PRDM6: variants seen among roughly 807,000 people sequenced by gnomAD.
PRDM6 encodes the protein putative histone-lysine N-methyltransferase PRDM6.
In PRDM6, 25 loss-of-function variants were observed where a neutral mutation model predicts 60.8. The ratio of observed to expected loss-of-function variants is 0.41; its 90% CI spans 0.30 to 0.57. The LOEUF is 0.57. Among genes scored for constraint, PRDM6 ranks in the 20% least tolerant of loss-of-function variants. The probability of loss-of-function intolerance (pLI) is 0.27; values close to 1 mark genes in which losing one functional copy is unlikely to be tolerated. For synonymous variants in PRDM6, 407 were observed against 357.4 expected, an observed-to-expected ratio of 1.14 and a Z score of -1.57; for missense variants, 839 against 821.3, an observed-to-expected ratio of 1.02 and a Z score of -0.26.
In PRDM6 at chr5:123,192,662, A is replaced by G. The variant is rs1207647425; in HGVS notation, c.*5461A>G. ...GTGATATACATTAGGACAAATGGCA[A>G]CAGGCAGGAAGGGCAGGTTGTGTTG... is the stretch of plus-strand genomic sequence containing the variant. On this transcript the variant is annotated 3_prime_UTR_variant, in exon 8 of 8. Transcript: ENST00000407847. The G allele has an allele frequency of 6.6e-6, 1 of 152,252 alleles. No homozygotes were observed. Among genetic ancestry groups the G allele is most frequent in the Non-Finnish European group, 1.5e-5 (1 of 68,052 alleles). 9.4% of individuals were successfully genotyped at this position (152,252 alleles called of 1,614,324 possible).
rs1394266929 is a variant in PRDM6, at chr5:123,170,814, T to A, written c.1202T>A (p.Leu401Gln). 6 of 1,552,150 alleles carry A rather than the reference T, an allele frequency of 3.9e-6. No individual in the cohort carries two copies. The highest frequency in any genetic ancestry group is 5.2e-6 in the Non-Finnish European group (6 of 1,147,092). Residue 401 changes from leucine to glutamine, a missense_variant, in exon 6 of 8, where the codon CTG (leucine) becomes CAG (glutamine). By Grantham distance (113) the Leu-to-Gln change is moderately radical. Coordinates refer to ENST00000407847, the MANE Select transcript of PRDM6 (RefSeq NM_001136239.4). ...GAAGCCATGTGCAGACAAGACGCCCTGCAGCCCTTCAACAAAAGCAGCAAA... is the reference window on the plus strand; with the variant it reads ...GAAGCCATGTGCAGACAAGACGCCCAGCAGCCCTTCAACAAAAGCAGCAAA... ...VMEAMCRQDA[L>Q]QPFNKSSKLA...
intron 2 of PRDM6, among the ~76,000 whole-genome samples, chr5:123,091,365 A>C (rs1286597297): frequency 2.0e-5 from 3 of 152,168 alleles, no homozygotes; most frequent in Non-Finnish European, 4.4e-5. Flanking sequence ...ATGTTGGTTT[A>C]TGTATTTATT....
intron 4 of PRDM6, 90 bp from the exon 5 acceptor site, chr5:123,159,424 G>A: frequency 7.0e-7 from 1 of 1,422,834 alleles, no homozygotes; most frequent in Admixed American, 2.4e-5. Context: ...AGATGGAGCT[G>A]CGTAGAACTT....
At chr5:123,097,311 T>C (rs1013647192) in intron 2 of PRDM6, among the ~76,000 whole-genome samples, 8 of 152,238 alleles carry the variant, frequency 5.3e-5, no homozygotes, top group Non-Finnish European at 1.0e-4. Flanking sequence ...CAAAGTTACT[T>C]CAGTGAAATA....
intron 3 of PRDM6, among the ~76,000 whole-genome samples, chr5:123,141,821 T>G (rs1329855649): frequency 6.6e-6 from 1 of 152,170 alleles, no homozygotes; most frequent in Admixed American, 6.5e-5. Context: ...TGTCAGGCTC[T>G]TCACATGGAC....
At chr5:123,168,527 G>A (rs1765811906) in intron 5 of PRDM6, among the ~76,000 whole-genome samples, 1 of 152,180 alleles carries the variant, frequency 6.6e-6, no homozygotes, top group Non-Finnish European at 1.5e-5. Context: ...ACAGGAGAAG[G>A]TAGGATTAGA....
At chr5:123,103,225 G>T (rs1404291925) in intron 3 of PRDM6, among the ~76,000 whole-genome samples, 1 of 151,744 alleles carries the variant, frequency 6.6e-6, no homozygotes. Context: ...AATAAGCCAA[G>T]GTAATTTTTT....
At chr5:123,150,580 A>G (rs1765350180) in intron 3 of PRDM6, among the ~76,000 whole-genome samples, 1 of 152,224 alleles carries the variant, frequency 6.6e-6, no homozygotes, top group African/African-American at 2.4e-5. Context: ...ATTGTGTAGT[A>G]AAACATATTT....
rs145404971 is a variant in PRDM6 at position 123,151,637 on chromosome 5, A to G, written c.901-4247A>G. 4.6e-5 allele frequency among the ~76,000 whole-genome samples: 7 copies of G among 152,256 alleles called. No individual in the cohort carries two copies. In the East Asian group the frequency reaches 1.4e-3, roughly 29 times the overall value. The stretch of plus-strand genomic sequence containing the variant: ...ACAGATGGTCTCTGAGGTCCCTTCC[A>G]AATCTGATTTTCCTGGGCTCTAAAT... On this transcript the variant is annotated intron_variant, in intron 3 of 7. Coordinates refer to ENST00000407847, the MANE Select transcript of PRDM6 (RefSeq NM_001136239.4).
intron 7 of PRDM6, among the ~76,000 whole-genome samples, chr5:123,184,119 T>G (rs1207528377): frequency 6.6e-6 from 1 of 152,186 alleles, no homozygotes; most frequent in East Asian, 1.9e-4. Flanking sequence ...TAAATATGCA[T>G]TGAACACATC....
chr5:123,138,029 C>CG (rs992368994), intron 3 of PRDM6, among the ~76,000 whole-genome samples: 1 of 148,974 alleles, frequency 6.7e-6, no homozygotes, highest in East Asian at 1.9e-4. Flanking sequence ...CTGGGTTCAC[C>CG]CCCGCACCTT....
At chr5:123,148,390 A>C (rs1487821796) in intron 3 of PRDM6, among the ~76,000 whole-genome samples, 1 of 152,224 alleles carries the variant, frequency 6.6e-6, no homozygotes, top group Non-Finnish European at 1.5e-5. Context: ...CCAAAGTGAA[A>C]GGAAAGGATT....
chr5:123,144,251 C>T (rs540480058), intron 3 of PRDM6, among the ~76,000 whole-genome samples: 30 of 152,322 alleles, frequency 2.0e-4, no homozygotes, highest in Middle Eastern at 6.8e-3. Context: ...ACTAACACAG[C>T]CATCTATGCA....
intron 3 of PRDM6, among the ~76,000 whole-genome samples, chr5:123,102,160 A>G (rs1384159860): frequency 6.6e-6 from 1 of 152,220 alleles, no homozygotes; most frequent in Non-Finnish European, 1.5e-5. Context: ...AACTTTAGCC[A>G]TACAAAATGT....
intron 6 of PRDM6, 102 bp from the exon 7 acceptor site, chr5:123,180,043 CTG>C (rs1446646657): frequency 4.8e-5 from 55 of 1,151,096 alleles, no homozygotes; most frequent in East Asian, 2.6e-5. Flanking sequence ...GTCTTAGAAA[CTG>C]AGAAAATGTC....
chr5:123,147,960 C>T (rs112670922), intron 3 of PRDM6, among the ~76,000 whole-genome samples: 2 of 152,230 alleles, frequency 1.3e-5, no homozygotes, highest in Non-Finnish European at 2.9e-5. Flanking sequence ...CTCAGAGTCA[C>T]CGACTCTCCT....
chr5:123,093,333 A>G (rs751196934), intron 2 of PRDM6, among the ~76,000 whole-genome samples: 19 of 152,158 alleles, frequency 1.2e-4, no homozygotes, highest in Admixed American at 5.2e-4. Flanking sequence ...AGGATCAGCA[A>G]TACATATCAT....
Position 123,170,881 on chromosome 5 carries a change from G to T in PRDM6, c.1269G>T (p.Gln423His). 1 of 1,552,196 alleles carries T rather than the reference G, an allele frequency of 6.4e-7. No individual in the cohort carries two copies. Among genetic ancestry groups the T allele is most frequent in the Non-Finnish European group, 8.7e-7 (1 of 1,147,110 alleles). The change falls in exon 6 of 8, where the codon CAG becomes CAT. Residue 423 changes from glutamine to histidine, a missense_variant. By Grantham distance (24) the Gln-to-His change is conservative. Around this residue, in one of 2 missense-constraint regions of PRDM6, gnomAD observed 730 missense variants for 648.8 expected, o/e 1.13. Transcript: ENST00000407847. ...AGCAGCGCTCCGTTGTTTTCCCCCA[G>T]ACTCCGTGCAGCAGGAACTTCTCTC... The part of the protein sequence containing the change: ...TTQQRSVVFP[Q>H]TPCSRNFSLL...
At position 123,158,331 on chromosome 5, in the gene PRDM6, GAATT is replaced by G. The variant is rs767588982; in HGVS notation, c.1029-1179_1029-1176del. Among the ~76,000 whole-genome samples, 7 of 152,254 alleles carry G rather than the reference GAATT, an allele frequency of 4.6e-5. No homozygotes were observed. The East Asian group carries it at 1.2e-3, about 25-fold the overall frequency. Reference sequence around the variant, plus strand: ...TGATTTTTTTATGTAGCAGTGGAAAGAATTAATAAAATGCAGAGCTCTTGGAGAT... The same window carrying G: ...TGATTTTTTTATGTAGCAGTGGAAAGAATAAAATGCAGAGCTCTTGGAGAT... On this transcript the variant is annotated intron_variant, in intron 4 of 7. Coordinates refer to ENST00000407847, the MANE Select transcript of PRDM6 (RefSeq NM_001136239.4).
Sources: gnomAD v4.1 joint callset for allele counts (sites outside exome capture counted in the v4.1 genomes callset) on GRCh38, gnomAD v4.1.1 for gene constraint, gnomAD v4.1.1 regional missense constraint, MANE v1.5 for transcripts, NCBI Gene and HGNC (gene_info 2026-07-23, HGNC 2026-07-21) for gene names.